BAZ2B: variants seen among roughly 807,000 people sequenced by gnomAD.
BAZ2B encodes bromodomain adjacent to zinc finger domain 2B.
In BAZ2B, 91 loss-of-function variants were observed where a neutral mutation model predicts 246.0. That is an observed-to-expected ratio of 0.37 (90% CI 0.31 to 0.44). BAZ2B has a LOEUF of 0.44. Among genes scored for constraint, BAZ2B ranks in the 20% least tolerant of loss-of-function variants. The pLI is 1.00. For synonymous variants in BAZ2B, 855 were observed against 860.0 expected, an observed-to-expected ratio of 0.99 and a Z score of 0.10; for missense variants, 2,332 against 2,533.7, an observed-to-expected ratio of 0.92 and a Z score of 1.71.
chr2:159,579,697 C>T (rs948211960), intron 1 of BAZ2B, among the ~76,000 whole-genome samples: 3 of 152,044 alleles, frequency 2.0e-5, no homozygotes, highest in African/African-American at 4.8e-5. Flanking sequence ...CAAACTGAAT[C>T]CAGCAGCAAA....
At chr2:159,332,015 A>G (rs1270199401) in intron 34 of BAZ2B, among the ~76,000 whole-genome samples, 1 of 152,220 alleles carries the variant, frequency 6.6e-6, no homozygotes, top group African/African-American at 2.4e-5. Flanking sequence ...GGATGTTTGA[A>G]GTGAGTTTAT....
chr2:159,438,985 T>A, intron 7 of BAZ2B, 24 bp downstream of exon 7: 3 of 1,602,922 alleles, frequency 1.9e-6, no homozygotes, highest in Non-Finnish European at 2.6e-6. Context: ...AATGTTTGGA[T>A]ACTGTCCATG....
At chr2:159,341,183 C>T (rs777668874) in intron 31 of BAZ2B, among the ~76,000 whole-genome samples, 106 of 151,834 alleles carry the variant, frequency 7.0e-4, no homozygotes, top group Non-Finnish European at 1.4e-3. Flanking sequence ...ATAGAAATAG[C>T]CCATGCAAAT....
At chr2:159,590,228 A>C (rs1449514183) in intron 1 of BAZ2B, among the ~76,000 whole-genome samples, 58 of 115,194 alleles carry the variant, frequency 5.0e-4, no homozygotes, top group Non-Finnish European at 9.3e-4. Flanking sequence ...AAAAAAAAAA[A>C]AAACAACCCA....
Position 159,333,771 on chromosome 2 carries a change from A to G in BAZ2B, c.5797-1085T>C, listed in dbSNP as rs1016695831. On this transcript the variant is annotated intron_variant, in intron 33 of 36. Transcript: ENST00000392783. ...TGGGAAAGTCTAAAATGGTCTTCTT[A>G]TAACTTAGTATGTATACCAATGACA... is the stretch of plus-strand genomic sequence containing the variant. Among the ~76,000 whole-genome samples the G allele has an allele frequency of 3.4e-4, 51 of 152,180 alleles. 1 individual carries two copies. Among genetic ancestry groups the G allele is most frequent in the Non-Finnish European group, 5.9e-5 (4 of 67,982 alleles).
intron 32 of BAZ2B, 75 bp downstream of exon 32, chr2:159,337,492 G>T (rs750801985): frequency 3.1e-6 from 5 of 1,612,546 alleles, no homozygotes; most frequent in Non-Finnish European, 4.2e-6. Flanking sequence ...GGATGGTGCA[G>T]GAGCAGGGAC....
At chr2:159,497,823 T>A (rs1464537726) in intron 2 of BAZ2B, among the ~76,000 whole-genome samples, 2 of 152,184 alleles carry the variant, frequency 1.3e-5, no homozygotes, top group Admixed American at 1.3e-4. Flanking sequence ...ACAAATATGA[T>A]GCTTGTCTTT....
chr2:159,587,540 C>G (rs1688328887), intron 1 of BAZ2B, among the ~76,000 whole-genome samples: 1 of 152,138 alleles, frequency 6.6e-6, no homozygotes, highest in Non-Finnish European at 1.5e-5. Flanking sequence ...AACTTTTTAA[C>G]CAGCTAATAT....
chr2:159,587,876 A>G (rs972065978), intron 1 of BAZ2B, among the ~76,000 whole-genome samples: 4 of 151,978 alleles, frequency 2.6e-5, no homozygotes, highest in Non-Finnish European at 1.5e-5. Context: ...TATACAATAT[A>G]TCAAGAGCAA....
chr2:159,669,277 A>C, the BAZ2B span, among the ~76,000 whole-genome samples: 1 of 152,106 alleles, frequency 6.6e-6, no homozygotes, highest in African/African-American at 2.4e-5. Flanking sequence ...CTGTCATTGA[A>C]TTTTAATTCT....
At chr2:159,571,863 A>T (rs1055553472) in intron 1 of BAZ2B, among the ~76,000 whole-genome samples, 10 of 152,190 alleles carry the variant, frequency 6.6e-5, no homozygotes, top group Admixed American at 3.9e-4. Flanking sequence ...TACTCCCAAG[A>T]TAACAAACCC....
chr2:159,543,297 T>C (rs2086879033), intron 2 of BAZ2B, among the ~76,000 whole-genome samples: 1 of 152,176 alleles, frequency 6.6e-6, no homozygotes. Flanking sequence ...TATGAATTGG[T>C]AAAATAATAA....
rs182710077 is a variant in BAZ2B, at chr2:159,337,644, T to G, written c.5583A>C (p.Ala1861=). The G allele has an allele frequency of 7.4e-6, 12 of 1,614,122 alleles. No homozygotes were observed. The highest frequency in any genetic ancestry group is 2.2e-5 in the East Asian group (1 of 44,902). ...GGGGGTTGTCACTCTTCCGTTCTAG[T>G]GCATGTGCACTGCTTTCGTCTTCGC... ...FTGEDESSAH[A]LERKSDNPLD... The change falls in exon 32 of 37, where the codon GCA becomes GCC. Residue 1861 remains alanine (A), a synonymous_variant. Transcript: ENST00000392783.
chr2:159,612,234 T>C (rs977505837), intron 1 of BAZ2B, among the ~76,000 whole-genome samples: 2 of 152,048 alleles, frequency 1.3e-5, no homozygotes, highest in African/African-American at 2.4e-5. Context: ...TCTTTTGTGA[T>C]TACTTCCTAG....
intron 2 of BAZ2B, among the ~76,000 whole-genome samples, chr2:159,496,912 G>A (rs1049659568): frequency 6.0e-5 from 9 of 149,448 alleles, no homozygotes; most frequent in Non-Finnish European, 1.2e-4. Flanking sequence ...TTTGCCTCTT[G>A]TGTTGAAATA....
chr2:159,657,391 T>C, the BAZ2B span, among the ~76,000 whole-genome samples: 1 of 152,190 alleles, frequency 6.6e-6, no homozygotes, highest in Admixed American at 6.5e-5. Context: ...AGCCATGAAA[T>C]TGGGGAGTGT....
Position 159,598,096 on chromosome 2 carries a change from C to T in BAZ2B, c.-46+18146G>A, listed in dbSNP as rs376795682. Among the ~76,000 whole-genome samples the T allele has an allele frequency of 1.1e-3, 164 of 151,930 alleles. 8 individuals carry two copies. The South Asian group carries it at 0.032, about 30-fold the overall frequency. On this transcript the variant is annotated intron_variant, in intron 1 of 36. Coordinates refer to ENST00000392783, the MANE Select transcript of BAZ2B (RefSeq NM_013450.4). ...GCAATCTCTGCCTCCCGGGCTCAAG[C>T]GATTCTCCTGCCTCAGCCTCCCGAG...
chr2:159,481,716 G>A (rs980929664), intron 2 of BAZ2B, among the ~76,000 whole-genome samples: 3 of 150,542 alleles, frequency 2.0e-5, no homozygotes, highest in African/African-American at 4.9e-5. Context: ...ACACCACACA[G>A]ACCCAAATTG....
At chr2:159,331,848 C>T (rs1481967128) in intron 34 of BAZ2B, among the ~76,000 whole-genome samples, 1 of 152,054 alleles carries the variant, frequency 6.6e-6, no homozygotes, top group Non-Finnish European at 1.5e-5. Flanking sequence ...GGGATAATGA[C>T]ACATAAGACA....
Sources: allele counts gnomAD v4.1 joint callset (sites outside exome capture counted in the v4.1 genomes callset), GRCh38; gene constraint gnomAD v4.1.1; transcripts MANE v1.5; gene names NCBI Gene and HGNC (gene_info 2026-07-23, HGNC 2026-07-21).